ZFPM2: variants seen among roughly 807,000 people sequenced by gnomAD.
ZFPM2 encodes zinc finger protein ZFPM2.
ZFPM2 carries 20 observed loss-of-function variants against 98.6 expected under a neutral mutation model. The ratio of observed to expected loss-of-function variants is 0.20; its 90% CI spans 0.14 to 0.29. ZFPM2 has a LOEUF of 0.29. Ranked by LOEUF, ZFPM2 falls within the 10% of genes least tolerant of loss-of-function variation. ZFPM2 has a pLI of 1.00. For missense variants in ZFPM2, 1,310 were observed against 1,388.6 expected, an observed-to-expected ratio of 0.94 and a Z score of 0.90; for synonymous variants, 518 against 502.7, an observed-to-expected ratio of 1.03 and a Z score of -0.41.
intron 5 of ZFPM2, among the ~76,000 whole-genome samples, chr8:105,762,980 A>G (rs1419543247): frequency 6.6e-6 from 1 of 151,668 alleles, no homozygotes; most frequent in Non-Finnish European, 1.5e-5. Flanking sequence ...TGAGAATTAT[A>G]TGTAAGAAAT....
At chr8:105,677,712 A>C (rs1435734626) in intron 5 of ZFPM2, among the ~76,000 whole-genome samples, 1 of 152,080 alleles carries the variant, frequency 6.6e-6, no homozygotes, top group Non-Finnish European at 1.5e-5. Context: ...AAGAAAAAAA[A>C]AATAAAGTCT....
intron 5 of ZFPM2, among the ~76,000 whole-genome samples, chr8:105,664,196 T>C (rs990658901): frequency 2.0e-5 from 3 of 152,242 alleles, no homozygotes; most frequent in Admixed American, 2.0e-4. Flanking sequence ...GTCTCTCTTA[T>C]GCATTGGTTG....
chr8:105,695,383 T>C (rs1409603765), intron 5 of ZFPM2, among the ~76,000 whole-genome samples: 2 of 126,784 alleles, frequency 1.6e-5, no homozygotes, highest in African/African-American at 2.6e-5. Flanking sequence ...TTTGTATTTT[T>C]TTTTTTTTTT....
chr8:105,645,857 T>C (rs886110043), intron 5 of ZFPM2, among the ~76,000 whole-genome samples: 2 of 151,946 alleles, frequency 1.3e-5, no homozygotes, highest in African/African-American at 4.8e-5. Flanking sequence ...ATGGAGACCA[T>C]CCTGGCCAAC....
intron 1 of ZFPM2, among the ~76,000 whole-genome samples, chr8:105,398,498 A>G (rs1468081455): frequency 6.6e-6 from 1 of 151,994 alleles, no homozygotes; most frequent in Non-Finnish European, 1.5e-5. Context: ...TGGCACAGGG[A>G]CTGGTTTCAT....
intron 5 of ZFPM2, among the ~76,000 whole-genome samples, chr8:105,761,944 A>T (rs1453380549): frequency 6.6e-6 from 1 of 151,990 alleles, no homozygotes; most frequent in Admixed American, 6.6e-5. Flanking sequence ...TAGGAAAAGC[A>T]TTTAAGAAAC....
chr8:105,636,811 A>G (rs1786458245), intron 5 of ZFPM2, among the ~76,000 whole-genome samples: 1 of 152,192 alleles, frequency 6.6e-6, no homozygotes, highest in African/African-American at 2.4e-5. Flanking sequence ...GTAATTTGGC[A>G]TCGTTCAACT....
At chr8:105,610,689 G>T (rs1253251851) in intron 4 of ZFPM2, among the ~76,000 whole-genome samples, 2 of 152,058 alleles carry the variant, frequency 1.3e-5, no homozygotes, top group Non-Finnish European at 2.9e-5. Context: ...ATTTTCAGAA[G>T]TGTCCAAAAG....
At chr8:105,384,282 A>G (rs1810942500) in intron 1 of ZFPM2, among the ~76,000 whole-genome samples, 1 of 152,130 alleles carries the variant, frequency 6.6e-6, no homozygotes, top group Admixed American at 6.6e-5. Flanking sequence ...TGAAGATATG[A>G]TGACCCACGC....
At chr8:105,656,045 T>G (rs188789002) in intron 5 of ZFPM2, among the ~76,000 whole-genome samples, 1 of 152,106 alleles carries the variant, frequency 6.6e-6, no homozygotes, top group Admixed American at 6.5e-5. Flanking sequence ...GACACTGGAG[T>G]GACCAAAACA....
intron 3 of ZFPM2, among the ~76,000 whole-genome samples, chr8:105,527,003 C>T (rs1168445669): frequency 6.6e-6 from 1 of 152,064 alleles, no homozygotes; most frequent in African/African-American, 2.4e-5. Context: ...GTAATAGCAG[C>T]ATGTATTTCC....
chr8:105,337,584 A>C (rs1473452499), intron 1 of ZFPM2, among the ~76,000 whole-genome samples: 2 of 151,830 alleles, frequency 1.3e-5, no homozygotes, highest in African/African-American at 4.8e-5. Context: ...CATAGTTTAC[A>C]TTATGAATAA....
intron 6 of ZFPM2, among the ~76,000 whole-genome samples, chr8:105,797,883 G>A (rs940779644): frequency 6.6e-5 from 10 of 152,226 alleles, no homozygotes; most frequent in African/African-American, 2.4e-4. Context: ...TAATTAGGCT[G>A]TAATGTAATT....
intron 5 of ZFPM2, among the ~76,000 whole-genome samples, chr8:105,691,152 A>G (rs1194252639): frequency 7.1e-6 from 1 of 141,672 alleles, no homozygotes; most frequent in African/African-American, 2.7e-5. Flanking sequence ...ATTATTTTGT[A>G]CTCTCTCATT....
chr8:105,641,850 G>A (rs1204795376), intron 5 of ZFPM2, among the ~76,000 whole-genome samples: 1 of 152,026 alleles, frequency 6.6e-6, no homozygotes, highest in Non-Finnish European at 1.5e-5. Context: ...TACCTTAGTT[G>A]ATTAGATGTG....
rs371103322 is a variant in ZFPM2, at chr8:105,802,057, A to G, written c.1975A>G (p.Asn659Asp). 6.8e-6 allele frequency: 11 copies of G among 1,613,624 alleles called. No individual in the cohort carries two copies. In the African/African-American group the frequency reaches 1.3e-4, roughly 20 times the overall value. Residue 659 changes from asparagine to aspartate, a missense_variant, in exon 8 of 8, where the codon AAT becomes GAT. By Grantham distance (23) the Asn-to-Asp change is conservative (BLOSUM62 1). Coordinates refer to ENST00000407775, the MANE Select transcript of ZFPM2 (RefSeq NM_012082.4). ...QTKKLSTSSN[N>D]DDKINGKPVD... The stretch of plus-strand genomic sequence containing the variant: ...TAAGAAGCTCTCCACCTCCAGTAAC[A>G]ATGATGACAAAATTAATGGAAAACC...
intron 3 of ZFPM2, among the ~76,000 whole-genome samples, chr8:105,470,237 T>A (rs1812876963): frequency 1.3e-5 from 2 of 152,224 alleles, no homozygotes; most frequent in African/African-American, 4.8e-5. Context: ...AGCACAGGGC[T>A]TAATAACAGA....
chr8:105,776,439 T>G (rs1813107303), intron 5 of ZFPM2, among the ~76,000 whole-genome samples: 1 of 152,220 alleles, frequency 6.6e-6, no homozygotes, highest in Non-Finnish European at 1.5e-5. Flanking sequence ...TTTCAACATA[T>G]TTGCTAAAAG....
At chr8:105,784,073 T>A (rs1813340617) in intron 5 of ZFPM2, among the ~76,000 whole-genome samples, 1 of 152,150 alleles carries the variant, frequency 6.6e-6, no homozygotes, top group African/African-American at 2.4e-5. Flanking sequence ...CCAAATGTAA[T>A]ATCCTGTGGT....
Sources: gnomAD v4.1 joint callset for allele counts (sites outside exome capture counted in the v4.1 genomes callset) on GRCh38, gnomAD v4.1.1 for gene constraint, MANE v1.5 for transcripts, NCBI Gene and HGNC (gene_info 2026-07-23, HGNC 2026-07-21) for gene names.